The following PCDH11Y variants were observed in gnomAD, a reference collection of about 807,000 sequenced individuals.
PCDH11Y encodes protocadherin 11 Y-linked.
For synonymous variants in PCDH11Y, 9 were observed against 83.6 expected, an observed-to-expected ratio of 0.11 and a Z score of 4.87; for missense variants, 12 against 224.8, an observed-to-expected ratio of 0.05 and a Z score of 6.05.
At chrY:5,372,703 TCTTCCTTC>T (rs2053188651) in intron 2 of PCDH11Y, among the ~76,000 whole-genome samples, 1 of 30,827 alleles carries the variant, frequency 3.2e-5, no homozygotes, top group Non-Finnish European at 8.0e-5. Context: ...TCCTTTCTTT[TCTTCCTTC>T]CTTCCTTCCT....
At chrY:5,023,321 T>C (rs2052573214) in intron 1 of PCDH11Y, among the ~76,000 whole-genome samples, 1 of 33,952 alleles carries the variant, frequency 2.9e-5, no homozygotes, top group Non-Finnish European at 7.3e-5. Flanking sequence ...GGCCAACATA[T>C]ATTAAATAAC....
At chrY:5,057,497 A>AT (rs1247115005) in intron 1 of PCDH11Y, 38 bp downstream of exon 2, 1 of 340,747 alleles carries the variant, frequency 2.9e-6, no homozygotes, top group African/African-American at 7.3e-5. Context: ...ATATCATCTC[A>AT]TTTTTTAAAG....
intron 2 of PCDH11Y, among the ~76,000 whole-genome samples, chrY:5,446,318 A>G (rs2053287744): frequency 2.9e-5 from 1 of 34,115 alleles, no homozygotes; most frequent in Non-Finnish European, 7.3e-5. Flanking sequence ...AGTCTCTTAA[A>G]TTTCTTGAAG....
At chrY:5,412,559 G>A in intron 2 of PCDH11Y, among the ~76,000 whole-genome samples, 2 of 33,314 alleles carry the variant, frequency 6.0e-5, no homozygotes, top group African/African-American at 2.4e-4. Context: ...GTATGATGTT[G>A]GCTGCGGATA....
chrY:5,015,125 G>A, intron 1 of PCDH11Y, among the ~76,000 whole-genome samples: 5 of 33,470 alleles, frequency 1.5e-4, no homozygotes, highest in African/African-American at 2.3e-4. Flanking sequence ...TCTACATAAA[G>A]GTGATATTTA....
At chrY:5,550,360 G>A (rs13303399) in intron 3 of PCDH11Y, among the ~76,000 whole-genome samples, 2 of 32,865 alleles carry the variant, frequency 6.1e-5, no homozygotes, top group Admixed American at 5.6e-4. Context: ...AGTTTAACAT[G>A]CAGAACAGGA....
intron 2 of PCDH11Y, among the ~76,000 whole-genome samples, chrY:5,263,451 C>G: frequency 6.3e-5 from 2 of 31,909 alleles, no homozygotes; most frequent in Admixed American, 5.8e-4. Flanking sequence ...CTTGCCTTTC[C>G]CCTTCTGTTA....
At chrY:5,028,627 G>A in intron 1 of PCDH11Y, among the ~76,000 whole-genome samples, 1 of 30,965 alleles carries the variant, frequency 3.2e-5, no homozygotes, top group East Asian at 8.6e-4. Context: ...AAAAAAAATA[G>A]CCAGGTCTGT....
chrY:5,104,138 T>C, downstream of PCDH11Y, among the ~76,000 whole-genome samples: 1 of 32,817 alleles, frequency 3.0e-5, no homozygotes, highest in South Asian at 6.9e-4. Context: ...AACCATCCTG[T>C]AGATATGATA....
intron 2 of PCDH11Y, among the ~76,000 whole-genome samples, chrY:5,343,906 A>C (rs2124669366): frequency 3.0e-5 from 1 of 33,567 alleles, no homozygotes; most frequent in Non-Finnish European, 7.3e-5. Context: ...GGTGTGAGCC[A>C]CCACACCTAG....
At chrY:5,508,258 T>C in intron 3 of PCDH11Y, among the ~76,000 whole-genome samples, 1 of 33,363 alleles carries the variant, frequency 3.0e-5, no homozygotes, top group Non-Finnish European at 7.5e-5. Context: ...CATTAAAAAA[T>C]GAATAACTAT....
At chrY:5,371,722 A>G in intron 2 of PCDH11Y, among the ~76,000 whole-genome samples, 1 of 32,176 alleles carries the variant, frequency 3.1e-5, no homozygotes, top group Non-Finnish European at 7.6e-5. Flanking sequence ...GCAAGGCGAA[A>G]CCCCATCTCT....
At chrY:5,289,250 C>T in intron 2 of PCDH11Y, among the ~76,000 whole-genome samples, 1 of 33,210 alleles carries the variant, frequency 3.0e-5, no homozygotes, top group Non-Finnish European at 7.4e-5. Flanking sequence ...TAAATGAAAT[C>T]ACAAGGTAAT....
intron 2 of PCDH11Y, among the ~76,000 whole-genome samples, chrY:5,128,320 T>C (rs376284755): frequency 3.0e-5 from 1 of 33,554 alleles, no homozygotes; most frequent in East Asian, 7.8e-4. Flanking sequence ...AATATTTGTT[T>C]CCTATGCTGC....
intron 1 of PCDH11Y, among the ~76,000 whole-genome samples, chrY:5,059,968 A>C (rs2124628697): frequency 3.0e-5 from 1 of 33,086 alleles, no homozygotes; most frequent in East Asian, 8.1e-4. Flanking sequence ...CCCTGTCATG[A>C]AAGTGGCATA....
chrY:5,547,832 C>A, intron 3 of PCDH11Y, among the ~76,000 whole-genome samples: 1 of 31,976 alleles, frequency 3.1e-5, no homozygotes, highest in Admixed American at 2.9e-4. Flanking sequence ...CATTATTATT[C>A]TTTGTAGAGA....
chrY:5,632,231 G>A (rs2053513022), intron 4 of PCDH11Y, among the ~76,000 whole-genome samples: 2 of 31,405 alleles, frequency 6.4e-5, no homozygotes, highest in Non-Finnish European at 1.6e-4. Flanking sequence ...AAACATTTAG[G>A]GTGGTGCTTA....
At chrY:5,661,815 C>A in intron 4 of PCDH11Y, among the ~76,000 whole-genome samples, 1 of 32,978 alleles carries the variant, frequency 3.0e-5, no homozygotes, top group East Asian at 7.9e-4. Context: ...TCTTGAAAAT[C>A]ATTTAGAATG....
intron 2 of PCDH11Y, among the ~76,000 whole-genome samples, chrY:5,127,947 C>A: frequency 3.0e-5 from 1 of 33,200 alleles, no homozygotes; most frequent in African/African-American, 1.2e-4. Flanking sequence ...TAAAAGTCTG[C>A]CCAATTTATT....
Sources: gnomAD v4.1 joint callset for allele counts (sites outside exome capture counted in the v4.1 genomes callset) on GRCh38, gnomAD v4.1.1 for gene constraint, MANE v1.5 for transcripts, NCBI Gene and HGNC (gene_info 2026-07-23, HGNC 2026-07-21) for gene names.